TRIM67: variants seen among roughly 807,000 people sequenced by gnomAD.
The protein encoded by TRIM67 is tripartite motif containing 67.
A neutral mutation model predicts 71.0 loss-of-function variants in TRIM67; 39 were observed. The observed-to-expected ratio is 0.55, with a 90% CI of 0.43 to 0.72. TRIM67 has a LOEUF of 0.72. Among genes scored for constraint, TRIM67 ranks in the 30% least tolerant of loss-of-function variants. The pLI is 0.00. For synonymous variants in TRIM67, 481 were observed against 473.9 expected (o/e 1.01, Z -0.19); for missense variants, 973 against 1,079.2 (o/e 0.90, Z 1.38).
At chr1:231,190,051 A>T (rs956210710) in intron 1 of TRIM67, among the ~76,000 whole-genome samples, 6 of 152,166 alleles carry the variant, frequency 3.9e-5, no homozygotes, top group Non-Finnish European at 5.9e-5. Flanking sequence ...ATTTGTGTTG[A>T]TCTAGGCTAC....
At chr1:231,174,593 C>CCCCTCT (rs1682697700) in intron 1 of TRIM67, among the ~76,000 whole-genome samples, 1 of 151,944 alleles carries the variant, frequency 6.6e-6, no homozygotes, top group Admixed American at 6.6e-5. Flanking sequence ...TAGTGATTAG[C>CCCCTCT]CCCTCTCCCT....
intron 1 of TRIM67, among the ~76,000 whole-genome samples, chr1:231,190,878 G>A (rs1000714237): frequency 1.3e-5 from 2 of 152,010 alleles, no homozygotes; most frequent in African/African-American, 4.8e-5. Context: ...CCACTTCCAG[G>A]GTCTCCACGT....
chr1:231,215,483 C>G lies in TRIM67; in HGVS notation c.*43C>G. 6.5e-7 allele frequency: 1 copy of G among 1,549,044 alleles called. No individual in the cohort carries two copies. Among genetic ancestry groups the G allele is most frequent in the Non-Finnish European group, 8.8e-7 (1 of 1,141,836 alleles). ...ACTGTGCCTGTGACAGTGACATTCACAGGCAAAACGCCCACCATTCTCACT... is the reference window on the plus strand; with the variant it reads ...ACTGTGCCTGTGACAGTGACATTCAGAGGCAAAACGCCCACCATTCTCACT... On this transcript the variant is annotated 3_prime_UTR_variant, in exon 10 of 10. Coordinates refer to ENST00000366653, the MANE Select transcript of TRIM67 (RefSeq NM_001004342.5).
intron 1 of TRIM67, among the ~76,000 whole-genome samples, chr1:231,190,937 A>G (rs1458556384): frequency 6.6e-6 from 1 of 152,150 alleles, no homozygotes; most frequent in Non-Finnish European, 1.5e-5. Flanking sequence ...CAGTGACTCC[A>G]TGGGTCACAC....
intron 1 of TRIM67, among the ~76,000 whole-genome samples, chr1:231,181,899 A>G (rs950473759): frequency 2.0e-5 from 3 of 152,222 alleles, no homozygotes; most frequent in Non-Finnish European, 2.9e-5. Context: ...TTCTTCTGCT[A>G]TAATTCAAAA....
At chr1:231,205,492 A>G (rs1683669430) in intron 6 of TRIM67, among the ~76,000 whole-genome samples, 1 of 152,094 alleles carries the variant, frequency 6.6e-6, no homozygotes, top group Admixed American at 6.6e-5. Flanking sequence ...TTGGGAGGCC[A>G]AGGCGGATGG....
At chr1:231,185,995 G>T in intron 1 of TRIM67, 1 of 1,138,746 alleles carries the variant, frequency 8.8e-7, no homozygotes, top group Non-Finnish European at 1.3e-6. Context: ...AGAAGGAGGT[G>T]GGTCTTCTGG....
In TRIM67 at chr1:231,217,540, C is replaced by G; in HGVS notation, c.*2100C>G. 1 of 1,005,376 alleles carries G rather than the reference C, an allele frequency of 9.9e-7. No individual in the cohort carries two copies. The highest frequency in any genetic ancestry group is 1.2e-6 in the Non-Finnish European group (1 of 841,610). 62.3% of individuals were successfully genotyped at this position (1,005,376 alleles called of 1,614,324 possible). Reference sequence around the variant, plus strand: ...GAGGATGAAGAGGAGCCACCACTTTCCTGGGGCCAAGGAAGCCATCAGCTT... The same window carrying G: ...GAGGATGAAGAGGAGCCACCACTTTGCTGGGGCCAAGGAAGCCATCAGCTT... On this transcript the variant is annotated 3_prime_UTR_variant, in exon 10 of 10. Transcript: ENST00000366653.
chr1:231,176,835 G>A (rs1682760548), intron 1 of TRIM67, among the ~76,000 whole-genome samples: 2 of 138,856 alleles, frequency 1.4e-5, no homozygotes, highest in African/African-American at 2.8e-5. Flanking sequence ...AACAGGAATA[G>A]CCAGGCTATA....
intron 8 of TRIM67, among the ~76,000 whole-genome samples, chr1:231,212,763 G>A (rs941016753): frequency 2.6e-5 from 4 of 152,034 alleles, no homozygotes; most frequent in African/African-American, 7.3e-5. Flanking sequence ...TGCAGGATTC[G>A]GCCCATGGGA....
rs1684046323 is a variant in TRIM67, at chr1:231,217,560, C to T, written c.*2120C>T. 1 of 1,003,718 alleles carries T rather than the reference C, an allele frequency of 1.0e-6. No homozygotes were observed. Among genetic ancestry groups the T allele is most frequent in the South Asian group, 4.2e-5 (1 of 23,644 alleles). 62.2% of individuals were successfully genotyped at this position (1,003,718 alleles called of 1,614,324 possible). ...ACTTTCCTGGGGCCAAGGAAGCCAT[C>T]AGCTTTGGGAAGTGTCTAGCTCTCT... On this transcript the variant is annotated 3_prime_UTR_variant, in exon 10 of 10. Coordinates refer to ENST00000366653, the MANE Select transcript of TRIM67 (RefSeq NM_001004342.5).
At chr1:231,180,007 C>T (rs2102725178) in intron 1 of TRIM67, among the ~76,000 whole-genome samples, 1 of 152,268 alleles carries the variant, frequency 6.6e-6, no homozygotes, top group South Asian at 2.1e-4. Flanking sequence ...TTGTGACAGT[C>T]ACCAAAAGTA....
chr1:231,203,848 A>G lies in TRIM67; in HGVS notation c.1535-19A>G. On this transcript the variant is annotated intron_variant, in intron 5 of 9. Transcript: ENST00000366653. The stretch of plus-strand genomic sequence containing the variant: ...CTCGGAGGGCTTCCTGCGCTAACTC[A>G]TGTGTGTCCCCCTCGCAGTGCCACC... The G allele has an allele frequency of 1.2e-6, 2 of 1,609,678 alleles. No homozygotes were observed. The highest frequency in any genetic ancestry group is 1.3e-5 in the African/African-American group (1 of 75,000).
In TRIM67 at chr1:231,215,465, C is replaced by A; in HGVS notation, c.*25C>A. 1 of 1,577,144 alleles carries A rather than the reference C, an allele frequency of 6.3e-7. No individual in the cohort carries two copies. On this transcript the variant is annotated 3_prime_UTR_variant, in exon 10 of 10. Coordinates refer to ENST00000366653, the MANE Select transcript of TRIM67 (RefSeq NM_001004342.5). ...GCCCCGCTCCAGCTCGGCACTGTGC[C>A]TGTGACAGTGACATTCACAGGCAAA...
Position 231,216,108 on chromosome 1 carries a change from C to G in TRIM67, c.*668C>G. The stretch of plus-strand genomic sequence containing the variant: ...TTTATTAATCAGCCAATTGTGTTCT[C>G]TCTCTCTCTTCCTCCATCCTTCATT... On this transcript the variant is annotated 3_prime_UTR_variant, in exon 10 of 10. Transcript: ENST00000366653. 2.0e-6 allele frequency: 2 copies of G among 984,858 alleles called. No homozygotes were observed. Among genetic ancestry groups the G allele is most frequent in the Non-Finnish European group, 2.4e-6 (2 of 829,614 alleles). The allele number at this position is 984,858 out of a possible 1,614,324, so 61.0% of individuals were successfully genotyped here.
At chr1:231,185,634 C>T (rs1024724659) in intron 1 of TRIM67, among the ~76,000 whole-genome samples, 3 of 151,884 alleles carry the variant, frequency 2.0e-5, no homozygotes, top group African/African-American at 4.9e-5. Context: ...GCACACAGCA[C>T]GAAATCAGTG....
At position 231,216,649 on chromosome 1, in the gene TRIM67, A is replaced by G. The variant is rs1684021594; in HGVS notation, c.*1209A>G. The G allele has an allele frequency of 4.1e-6, 4 of 985,450 alleles. No individual in the cohort carries two copies. The highest frequency in any genetic ancestry group is 5.2e-4 in the Middle Eastern group (1 of 1,936). 61.0% of individuals were successfully genotyped at this position (985,450 alleles called of 1,614,324 possible). A position where few individuals can be genotyped will look rare whatever the true frequency, so the allele number is the denominator to read the frequency against. ...GCGGGATCTCTGGGGAAGGCAGGAA[A>G]TAGAAGGGCAGTATCAGGTACCTTG... On this transcript the variant is annotated 3_prime_UTR_variant, in exon 10 of 10. Coordinates refer to ENST00000366653, the MANE Select transcript of TRIM67 (RefSeq NM_001004342.5).
In TRIM67 at chr1:231,219,370, A is replaced by G; in HGVS notation, c.*3930A>G. 1 of 987,712 alleles carries G rather than the reference A, an allele frequency of 1.0e-6. No individual in the cohort carries two copies. The highest frequency in any genetic ancestry group is 1.2e-6 in the Non-Finnish European group (1 of 831,542). 61.2% of individuals were successfully genotyped at this position (987,712 alleles called of 1,614,324 possible). A position where few individuals can be genotyped will look rare whatever the true frequency, so the allele number is the denominator to read the frequency against. ...AAGTTGAGAACCACCAGGTTATGCC[A>G]GTGGTTTGTCATGCATGGATCTGTA... On this transcript the variant is annotated 3_prime_UTR_variant, in exon 10 of 10. Coordinates refer to ENST00000366653, the MANE Select transcript of TRIM67 (RefSeq NM_001004342.5).
intron 1 of TRIM67, among the ~76,000 whole-genome samples, chr1:231,186,978 A>T (rs1428273228): frequency 1.3e-5 from 2 of 152,134 alleles, no homozygotes; most frequent in African/African-American, 4.8e-5. Context: ...CACGACATCC[A>T]CGGCTGCCTC....
Sources: gnomAD v4.1 joint callset for allele counts (sites outside exome capture counted in the v4.1 genomes callset) on GRCh38, gnomAD v4.1.1 for gene constraint, MANE v1.5 for transcripts, NCBI Gene and HGNC (gene_info 2026-07-23, HGNC 2026-07-21) for gene names.